Variants in PAK6 observed in about 807,000 individuals in gnomAD.
The protein encoded by PAK6 is p21 (RAC1) activated kinase 6.
In PAK6, 33 loss-of-function variants were observed where a neutral mutation model predicts 60.8. The observed-to-expected ratio is 0.54, with a 90% CI of 0.41 to 0.73. The LOEUF is 0.73. PAK6 is among the 30% of genes least tolerant of loss of function. The probability of loss-of-function intolerance (pLI) is 0.00; values close to 1 mark genes in which losing one functional copy is unlikely to be tolerated. For missense variants in PAK6, 845 were observed against 904.1 expected, an observed-to-expected ratio of 0.93 and a Z score of 0.84; for synonymous variants, 404 against 378.5, an observed-to-expected ratio of 1.07 and a Z score of -0.78.
chr15:40,254,082 G>A (rs1044104950), intron 3 of PAK6, among the ~76,000 whole-genome samples: 15 of 152,190 alleles, frequency 9.9e-5, no homozygotes, highest in African/African-American at 3.6e-4. Context: ...GACAGTGGCC[G>A]AAGACACATT....
At chr15:40,263,716 G>T (rs1277092171) in intron 3 of PAK6, 7 of 334,130 alleles carry the variant, frequency 2.1e-5, no homozygotes, top group Non-Finnish European at 4.3e-5. Flanking sequence ...CTGGGTTCAA[G>T]CGATTCTCCT....
chr15:40,273,803 C>A (rs918839632), intron 9 of PAK6, 127 bp downstream of exon 9: 3 of 1,135,262 alleles, frequency 2.6e-6, no homozygotes, highest in Non-Finnish European at 2.5e-6. Flanking sequence ...CTAGTCAACA[C>A]CCTTCCCCCT....
intron 5 of PAK6, among the ~76,000 whole-genome samples, chr15:40,270,787 G>A (rs1298878328): frequency 2.6e-5 from 4 of 152,228 alleles, no homozygotes; most frequent in African/African-American, 4.8e-5. Context: ...GGCAGGTGTG[G>A]GGGTGGCAGA....
At chr15:40,266,242 C>A (rs1368409522) in exon 5 of PAK6, 2 of 1,610,348 alleles carry the variant, frequency 1.2e-6, no homozygotes, top group Non-Finnish European at 1.7e-6. Flanking sequence ...CTGCAGAGCT[C>A]CCCACCAGGA....
At chr15:40,267,614 G>A (rs941496335) in intron 5 of PAK6, among the ~76,000 whole-genome samples, 2 of 152,130 alleles carry the variant, frequency 1.3e-5, no homozygotes, top group Non-Finnish European at 2.9e-5. Flanking sequence ...AGCTGAGATC[G>A]CACCACTGCA....
chr15:40,240,898 G>C (rs112361313), intron 2 of PAK6, among the ~76,000 whole-genome samples: 66 of 152,308 alleles, frequency 4.3e-4, no homozygotes, highest in African/African-American at 1.6e-3. Flanking sequence ...CCTAGCTAGA[G>C]GGAGAGGTGC....
At chr15:40,268,463 A>G (rs560539522) in intron 5 of PAK6, among the ~76,000 whole-genome samples, 42 of 152,324 alleles carry the variant, frequency 2.8e-4, no homozygotes, top group African/African-American at 8.7e-4. Context: ...AGCAAATTCA[A>G]TAACAGATGG....
intron 2 of PAK6, among the ~76,000 whole-genome samples, chr15:40,247,777 G>A (rs1397276644): frequency 2.0e-5 from 3 of 152,134 alleles, no homozygotes; most frequent in Admixed American, 1.3e-4. Flanking sequence ...CTCTCTTTCC[G>A]GAACCCGGGG....
chr15:40,265,940 T>C, exon 5 of PAK6: 2 of 1,606,820 alleles, frequency 1.2e-6, no homozygotes, highest in Non-Finnish European at 1.7e-6. Flanking sequence ...ACACCCTGCG[T>C]GGCCGCAGCC....
exon 11 of PAK6, chr15:40,276,158 C>T (rs753647873): frequency 3.1e-5 from 46 of 1,498,370 alleles, no homozygotes; most frequent in Middle Eastern, 3.5e-4. Flanking sequence ...GCCAGCCTGC[C>T]GGCAGGACTT....
chr15:40,243,866 C>T (rs1302364819), intron 2 of PAK6, among the ~76,000 whole-genome samples: 1 of 152,186 alleles, frequency 6.6e-6, no homozygotes, highest in Admixed American at 6.5e-5. Flanking sequence ...TGGCCCTGGC[C>T]CTACTCCTTT....
chr15:40,265,805 G>T (rs1348613360), intron 4 of PAK6, 37 bp from the exon 5 acceptor site: 2 of 1,494,276 alleles, frequency 1.3e-6, no homozygotes, highest in East Asian at 2.4e-5. Context: ...GCCACAATTG[G>T]GCAGCTCCCA....
intron 2 of PAK6, chr15:40,251,854 C>G (rs1040753770): frequency 6.5e-6 from 1 of 153,184 alleles, no homozygotes; most frequent in Non-Finnish European, 1.5e-5. Context: ...GAGTGAGCCC[C>G]TTGGAATGGC....
At chr15:40,264,894 C>A in exon 4 of PAK6, 1 of 1,613,926 alleles carries the variant, frequency 6.2e-7, no homozygotes, top group Non-Finnish European at 8.5e-7. Flanking sequence ...TGTGGGCCTC[C>A]CCCCACAATG....
At position 40,275,998 on chromosome 15, in the gene PAK6, G is replaced by A. The variant is rs374185464; in HGVS notation, c.1950G>A (p.Gln650=). The A allele has an allele frequency of 3.1e-6, 5 of 1,613,204 alleles. No homozygotes were observed. The East Asian group carries it at 1.1e-4, about 36-fold the overall frequency. Residue 650 remains glutamine (Q), a synonymous_variant, in exon 11 of 11, where the codon CAG becomes CAA. Coordinates refer to ENST00000560346, the Ensembl canonical transcript of PAK6. ...ACCCCCAAGAGAGAGCCACAGCCCA[G>A]GAGCTCCTAGACCACCCCTTCCTGC...
intron 3 of PAK6, among the ~76,000 whole-genome samples, chr15:40,263,219 G>A (rs1320088718): frequency 6.6e-6 from 1 of 152,152 alleles, no homozygotes; most frequent in Non-Finnish European, 1.5e-5. Flanking sequence ...AGAACATGAC[G>A]GCCCTGCACT....
chr15:40,268,041 A>C (rs547853121), intron 5 of PAK6, among the ~76,000 whole-genome samples: 1 of 152,150 alleles, frequency 6.6e-6, no homozygotes, highest in Non-Finnish European at 1.5e-5. Flanking sequence ...TCCCTGCACA[A>C]TGTACTGAGT....
At chr15:40,275,396 C>G (rs1238065813) in intron 10 of PAK6, among the ~76,000 whole-genome samples, 1 of 145,800 alleles carries the variant, frequency 6.9e-6, no homozygotes, top group Admixed American at 7.0e-5. Flanking sequence ...AGCAATTCTC[C>G]TGCCTCAGCC....
intron 4 of PAK6, 65 bp from the exon 5 acceptor site, chr15:40,265,777 T>TTCCC: frequency 6.9e-7 from 1 of 1,445,926 alleles, no homozygotes; most frequent in Non-Finnish European, 9.2e-7. Flanking sequence ...GACCCTGATC[T>TTCCC]CCCAGCCACC....
Sources: allele counts gnomAD v4.1 joint callset (sites outside exome capture counted in the v4.1 genomes callset), GRCh38; gene constraint gnomAD v4.1.1; transcripts MANE v1.5; gene names NCBI Gene and HGNC (gene_info 2026-07-23, HGNC 2026-07-21).